Variants in SHLD1 observed in about 807,000 individuals in gnomAD.
The protein encoded by SHLD1 is shieldin complex subunit 1, also known as RINN1-REV7-interacting novel NHEJ regulator 3.
Under a neutral mutation model 5.5 loss-of-function variants are expected in SHLD1, and 3 were observed. The ratio of observed to expected loss-of-function variants is 0.54; its 90% confidence interval spans 0.25 to 1.40. SHLD1 has a LOEUF of 1.40. Ranked by LOEUF, SHLD1 falls within the 40% of genes most tolerant of loss-of-function variation. The probability of loss-of-function intolerance (pLI) is 0.15; values close to 1 mark genes in which losing one functional copy is unlikely to be tolerated. For missense variants in SHLD1, 210 were observed against 244.4 expected, an observed-to-expected ratio of 0.86 and a Z score of 0.94; for synonymous variants, 92 against 94.3, an observed-to-expected ratio of 0.98 and a Z score of 0.14.
chr20:5,767,477 G>A (rs1481041675), intron 1 of SHLD1, among the ~76,000 whole-genome samples: 2 of 152,154 alleles, frequency 1.3e-5, no homozygotes, highest in African/African-American at 4.8e-5. Flanking sequence ...ATTTCAGTTA[G>A]TAAATCTATT....
At chr20:5,826,508 ATCT>A (rs1429212825) in intron 2 of SHLD1, among the ~76,000 whole-genome samples, 1 of 151,966 alleles carries the variant, frequency 6.6e-6, no homozygotes, top group Non-Finnish European at 1.5e-5. Flanking sequence ...GGATAGCAAG[ATCT>A]TCTCCAAGTG....
intron 1 of SHLD1, among the ~76,000 whole-genome samples, chr20:5,756,445 C>A (rs370818511): frequency 4.0e-4 from 61 of 152,238 alleles, no homozygotes; most frequent in African/African-American, 1.4e-3. Context: ...TTTCTTCCAA[C>A]ATTTAAAAAT....
At chr20:5,818,850 A>G (rs1278081091) in intron 2 of SHLD1, among the ~76,000 whole-genome samples, 1 of 151,932 alleles carries the variant, frequency 6.6e-6, no homozygotes, top group Admixed American at 6.6e-5. Flanking sequence ...CCTGCCATGC[A>G]GTGTCCACTT....
intron 2 of SHLD1, among the ~76,000 whole-genome samples, chr20:5,854,421 T>G (rs2088054822): frequency 6.6e-6 from 1 of 152,202 alleles, no homozygotes; most frequent in African/African-American, 2.4e-5. Context: ...GTTCTGGGAT[T>G]ACAGGTGTGA....
At chr20:5,750,706 G>GT (rs1185683360) in intron 1 of SHLD1, among the ~76,000 whole-genome samples, 1 of 150,418 alleles carries the variant, frequency 6.6e-6, no homozygotes, top group African/African-American at 2.5e-5. Flanking sequence ...CTTCGGTTTT[G>GT]TTGTTTTTTT....
At chr20:5,755,144 A>G (rs928512025) in intron 1 of SHLD1, among the ~76,000 whole-genome samples, 11 of 152,304 alleles carry the variant, frequency 7.2e-5, no homozygotes, top group African/African-American at 2.6e-4. Flanking sequence ...GAAGCCTCTA[A>G]GTAACAGGCT....
At chr20:5,780,844 TC>T (rs1004566214) in intron 2 of SHLD1, among the ~76,000 whole-genome samples, 2 of 152,268 alleles carry the variant, frequency 1.3e-5, no homozygotes, top group Non-Finnish European at 2.9e-5. Context: ...CCAATGATCT[TC>T]CCTAGGAGCC....
chr20:5,759,871 TA>T (rs546668216), intron 1 of SHLD1, among the ~76,000 whole-genome samples: 1 of 152,044 alleles, frequency 6.6e-6, no homozygotes, highest in African/African-American at 2.4e-5. Flanking sequence ...TTTTATATCT[TA>T]AAAAAAATGC....
chr20:5,813,127 C>T (rs534666514), intron 2 of SHLD1, among the ~76,000 whole-genome samples: 7 of 152,014 alleles, frequency 4.6e-5, no homozygotes, highest in East Asian at 3.9e-4. Context: ...CCACTCGCCT[C>T]GACCTCCCAA....
chr20:5,849,545 C>G (rs1007645735), intron 2 of SHLD1, among the ~76,000 whole-genome samples: 7 of 152,202 alleles, frequency 4.6e-5, no homozygotes, highest in Non-Finnish European at 1.0e-4. Context: ...CCACTGTTAA[C>G]CCAGGTATAT....
intron 2 of SHLD1, among the ~76,000 whole-genome samples, chr20:5,840,565 A>AAAAAG (rs2087845705): frequency 6.6e-6 from 1 of 152,124 alleles, no homozygotes; most frequent in Non-Finnish European, 1.5e-5. Flanking sequence ...CAGCTTTTTT[A>AAAAAG]TTGGGAAGCT....
chr20:5,777,917 A>G (rs1985504603), intron 2 of SHLD1, among the ~76,000 whole-genome samples: 1 of 152,038 alleles, frequency 6.6e-6, no homozygotes, highest in Non-Finnish European at 1.5e-5. Flanking sequence ...TTTTGATACT[A>G]TTTTATTCAA....
At chr20:5,835,343 AC>A (rs2087776929) in intron 2 of SHLD1, among the ~76,000 whole-genome samples, 1 of 152,178 alleles carries the variant, frequency 6.6e-6, no homozygotes, top group South Asian at 2.1e-4. Context: ...AAAAATATCT[AC>A]CATCACACTG....
At chr20:5,799,402 A>T (rs1009165536) in intron 2 of SHLD1, among the ~76,000 whole-genome samples, 5 of 151,256 alleles carry the variant, frequency 3.3e-5, no homozygotes, top group Admixed American at 6.6e-5. Flanking sequence ...CCGGGTTCAA[A>T]CAATCCTCCT....
At chr20:5,813,742 C>G (rs2087490650) in intron 2 of SHLD1, among the ~76,000 whole-genome samples, 1 of 152,012 alleles carries the variant, frequency 6.6e-6, no homozygotes, top group South Asian at 2.1e-4. Flanking sequence ...ACTTAATTCT[C>G]TGATGAAGTG....
intron 1 of SHLD1, among the ~76,000 whole-genome samples, chr20:5,765,467 C>T (rs1324354250): frequency 6.6e-6 from 1 of 151,676 alleles, no homozygotes; most frequent in East Asian, 1.9e-4. Flanking sequence ...CCGGGGTGGT[C>T]TCAAACTTCT....
chr20:5,752,250 G>A (rs930317302), intron 1 of SHLD1, among the ~76,000 whole-genome samples: 1 of 152,068 alleles, frequency 6.6e-6, no homozygotes, highest in Non-Finnish European at 1.5e-5. Context: ...AAAAAAATTA[G>A]CCAGGCACGG....
At chr20:5,833,647 CAG>C (rs528382827) in intron 2 of SHLD1, among the ~76,000 whole-genome samples, 12 of 148,724 alleles carry the variant, frequency 8.1e-5, no homozygotes, top group Non-Finnish European at 1.2e-4. Context: ...CAGGGAGAAA[CAG>C]AGAGAGAGAG....
intron 2 of SHLD1, among the ~76,000 whole-genome samples, chr20:5,838,038 C>T (rs963822700): frequency 6.6e-6 from 1 of 152,156 alleles, no homozygotes; most frequent in Non-Finnish European, 1.5e-5. Context: ...GTAAATGAAA[C>T]GTAGTACATT....
Sources: gnomAD v4.1 joint callset for allele counts (sites outside exome capture counted in the v4.1 genomes callset) on GRCh38, gnomAD v4.1.1 for gene constraint, MANE v1.5 for transcripts, NCBI Gene and HGNC (gene_info 2026-07-23, HGNC 2026-07-21) for gene names.